Variants in HLA-DQA1 observed in about 807,000 individuals in gnomAD.
The protein encoded by HLA-DQA1 is HLA class II histocompatibility antigen, DQ alpha 1 chain.
Under a neutral mutation model 20.7 loss-of-function variants are expected in HLA-DQA1, and 10 were observed. The observed-to-expected ratio is 0.48, with a 90% CI of 0.30 to 0.82. HLA-DQA1 has a LOEUF of 0.82. Ranked by LOEUF, HLA-DQA1 falls within the 40% of genes least tolerant of loss-of-function variation. The probability of loss-of-function intolerance (pLI) is 0.07; values close to 1 mark genes in which losing one functional copy is unlikely to be tolerated. For missense variants in HLA-DQA1, 127 were observed against 293.0 expected (o/e 0.43, Z 4.14); for synonymous variants, 39 against 109.2 (o/e 0.36, Z 4.01).
the HLA-DQA1 span, among the ~76,000 whole-genome samples, chr6:32,654,737 C>A: frequency 4.2e-5 from 4 of 96,080 alleles, 1 homozygote; most frequent in Non-Finnish European, 9.2e-5. Flanking sequence ...GAAAATTGCA[C>A]TGGGCATGGT....
At position 32,640,300 on chromosome 6, in the gene HLA-DQA1, T is replaced by C. The variant is rs17426593; in HGVS notation, c.83-1010T>C. 9.4e-4 allele frequency among the ~76,000 whole-genome samples: 88 copies of C among 93,720 alleles called. 1 individual carries two copies. Among genetic ancestry groups the C allele is most frequent in the East Asian group, 1.5e-3 (4 of 2,742 alleles). The allele number at this position is 93,720 out of a possible 152,430, so 61.5% of individuals were successfully genotyped here. ...TCCTTAATAGTAGACCATGCCTGAT[T>C]GGTGTTTTACACATCTCCGGCTATG... On this transcript the variant is annotated intron_variant, in intron 1 of 4. Coordinates refer to ENST00000343139, the MANE Select transcript of HLA-DQA1 (RefSeq NM_002122.5).
At chr6:32,645,273 GCC>G (rs1781822249), downstream of HLA-DQA1, 4 of 149,616 alleles carry the variant, frequency 2.7e-5, no homozygotes, top group East Asian at 4.0e-4. Context: ...GCAGTCCCCA[GCC>G]TTTTTGGCAG....
At chr6:32,647,166 C>CTGTTAAAA (rs1781992546), downstream of HLA-DQA1, 2 of 112,290 alleles carry the variant, frequency 1.8e-5, no homozygotes, top group South Asian at 2.7e-4. Flanking sequence ...TTAAAGCTGG[C>CTGTTAAAA]CTTTTAAAAC....
downstream of HLA-DQA1, among the ~76,000 whole-genome samples, chr6:32,651,138 C>T (rs1225879467): frequency 1.2e-5 from 1 of 81,776 alleles, no homozygotes; most frequent in Non-Finnish European, 2.6e-5. Flanking sequence ...TCTCCCTGCT[C>T]GGCCTCCCAA....
downstream of HLA-DQA1, among the ~76,000 whole-genome samples, chr6:32,647,455 C>G (rs561430218): frequency 2.0e-3 from 78 of 39,944 alleles, 25 homozygotes; most frequent in African/African-American, 6.0e-3. Flanking sequence ...GGCAACAGGG[C>G]AAGACTCTGT....
chr6:32,640,332 A>T (rs1781276679), intron 1 of HLA-DQA1, among the ~76,000 whole-genome samples: 2 of 100,766 alleles, frequency 2.0e-5, no homozygotes, highest in African/African-American at 6.9e-5. Flanking sequence ...TATGTCTGAC[A>T]CTTGTGGATG....
downstream of HLA-DQA1, among the ~76,000 whole-genome samples, chr6:32,647,649 A>G (rs538608194): frequency 1.5e-4 from 23 of 152,258 alleles, no homozygotes; most frequent in African/African-American, 5.5e-4. Context: ...CAGTTAGGAA[A>G]CCCTGAGTAT....
At position 32,638,949 on chromosome 6, in the gene HLA-DQA1, A is replaced by G. The variant is rs1246001026; in HGVS notation, c.82+1409A>G. On this transcript the variant is annotated intron_variant, in intron 1 of 4. Coordinates refer to ENST00000343139, the MANE Select transcript of HLA-DQA1 (RefSeq NM_002122.5). ...ACTCCCTGCTCCTTTATAGAGATGG[A>G]CAGTGGGTTTGTAAAACAAAAGTTG... 122 of 360,092 alleles carry G rather than the reference A, an allele frequency of 3.4e-4. 12 individuals are homozygous for G. The highest frequency in any genetic ancestry group is 7.0e-4 in the African/African-American group (27 of 38,628). 22.3% of individuals were successfully genotyped at this position (360,092 alleles called of 1,614,324 possible).
chr6:32,642,600 A>T lies in HLA-DQA1; in HGVS notation c.614-10A>T. The T allele has an allele frequency of 7.3e-7, 1 of 1,376,632 alleles. No homozygotes were observed. Among genetic ancestry groups the T allele is most frequent in the Non-Finnish European group, 1.0e-6 (1 of 996,190 alleles). 85.3% of individuals were successfully genotyped at this position (1,376,632 alleles called of 1,614,324 possible). A position where few individuals can be genotyped will look rare whatever the true frequency, so the allele number is the denominator to read the frequency against. Reference sequence around the variant, plus strand: ...TCTGCATTCTGACCTCAACAACTTCACTTCCACAGAGCCTGAGATTCCAGC... The same window carrying T: ...TCTGCATTCTGACCTCAACAACTTCTCTTCCACAGAGCCTGAGATTCCAGC... On this transcript the variant is annotated splice_polypyrimidine_tract_variant and intron_variant, in intron 3 of 4. Transcript: ENST00000343139.
At chr6:32,645,178 T>C (rs1223079658), downstream of HLA-DQA1, 7 of 151,568 alleles carry the variant, frequency 4.6e-5, 1 homozygote, top group Admixed American at 4.6e-4. Flanking sequence ...TGTAAGTTCA[T>C]AAATTATAGC....
downstream of HLA-DQA1, among the ~76,000 whole-genome samples, chr6:32,651,533 G>A (rs1305259134): frequency 2.1e-4 from 14 of 68,262 alleles, 3 homozygotes; most frequent in African/African-American, 7.1e-4. Context: ...GCAGTGAGCC[G>A]AGATCGAGCC....
At chr6:32,644,416 A>G (rs1378796103), downstream of HLA-DQA1, 1 of 152,150 alleles carries the variant, frequency 6.6e-6, no homozygotes, top group African/African-American at 2.4e-5. Context: ...AGTATTTTAA[A>G]CTTTATAAAT....
chr6:32,647,638 A>G (rs1166211906), downstream of HLA-DQA1, among the ~76,000 whole-genome samples: 1 of 152,178 alleles, frequency 6.6e-6, no homozygotes, highest in Non-Finnish European at 1.5e-5. Flanking sequence ...CATTTTTATC[A>G]CAGTTAGGAA....
At chr6:32,652,546 G>A in the HLA-DQA1 span, among the ~76,000 whole-genome samples, 18,655 of 146,814 alleles carry the variant, frequency 0.13, 1,400 homozygotes, top group Middle Eastern at 0.3. Flanking sequence ...TCTGATACAT[G>A]AGTGATATTT....
chr6:32,649,652 C>G (rs28823582), downstream of HLA-DQA1, among the ~76,000 whole-genome samples: 47,897 of 94,818 alleles, frequency 0.51, 20,548 homozygotes, highest in South Asian at 0.76. Context: ...AGCTGAAACT[C>G]GATCCCTTCC....
chr6:32,643,932 T>C (rs36214506), downstream of HLA-DQA1: 10,719 of 151,774 alleles, frequency 0.071, 481 homozygotes, highest in South Asian at 0.2. Context: ...CTGCCTCACC[T>C]CCTGAATGAA....
downstream of HLA-DQA1, chr6:32,645,031 A>G (rs531929395): frequency 2.8e-5 from 4 of 142,258 alleles, no homozygotes; most frequent in African/African-American, 1.0e-4. Flanking sequence ...GATGATTTTC[A>G]GGGCAATAAA....
Sources: allele counts gnomAD v4.1 joint callset (sites outside exome capture counted in the v4.1 genomes callset), GRCh38; gene constraint gnomAD v4.1.1; transcripts MANE v1.5; gene names NCBI Gene and HGNC (gene_info 2026-07-23, HGNC 2026-07-21).